The following SLC26A5 variants were observed in gnomAD, a reference collection of about 807,000 sequenced individuals.
SLC26A5 encodes the protein solute carrier family 26 member 5.
In SLC26A5, 51 loss-of-function variants were observed where a neutral mutation model predicts 81.0. That is an observed-to-expected ratio of 0.63 (90% CI 0.50 to 0.80). The LOEUF is 0.80. Ranked by LOEUF, SLC26A5 falls within the 30% of genes least tolerant of loss-of-function variation. SLC26A5 has a pLI of 0.00. For missense variants in SLC26A5, 771 were observed against 905.8 expected (o/e 0.85, Z 1.91); for synonymous variants, 325 against 332.8 (o/e 0.98, Z 0.25).
At chr7:103,435,313 C>T (rs1826372307) in intron 2 of SLC26A5, among the ~76,000 whole-genome samples, 1 of 152,060 alleles carries the variant, frequency 6.6e-6, no homozygotes, top group South Asian at 2.1e-4. Context: ...AATTGTTTAT[C>T]TTGATGTTTC....
At chr7:103,420,343 C>G (rs560048975) in intron 4 of SLC26A5, among the ~76,000 whole-genome samples, 6 of 147,038 alleles carry the variant, frequency 4.1e-5, no homozygotes, top group Non-Finnish European at 8.9e-5. Context: ...TCTCCCAGGC[C>G]GGAGTGAAGT....
chr7:103,370,952 A>G (rs1820997955), downstream of SLC26A5, among the ~76,000 whole-genome samples: 1 of 152,250 alleles, frequency 6.6e-6, no homozygotes, highest in Non-Finnish European at 1.5e-5. Flanking sequence ...ATAGGACAAT[A>G]TGAACCTGAA....
At chr7:103,381,720 C>T (rs1821810142) in intron 14 of SLC26A5, among the ~76,000 whole-genome samples, 1 of 151,526 alleles carries the variant, frequency 6.6e-6, no homozygotes, top group Non-Finnish European at 1.5e-5. Context: ...ACATGCCACA[C>T]ACAATACCAT....
intron 2 of SLC26A5, among the ~76,000 whole-genome samples, chr7:103,435,458 G>C (rs1246369532): frequency 6.6e-6 from 1 of 152,132 alleles, no homozygotes; most frequent in African/African-American, 2.4e-5. Context: ...TCCAGGATAG[G>C]ACTCTTCCCT....
In SLC26A5 at chr7:103,379,287, A is replaced by AT; in HGVS notation, c.1632_1633insA (p.Tyr545IlefsTer5). 4 of 1,611,718 alleles carry AT rather than the reference A, an allele frequency of 2.5e-6. No homozygotes were observed. The highest frequency in any genetic ancestry group is 3.4e-6 in the Non-Finnish European group (4 of 1,177,980). On this transcript the variant is annotated frameshift_variant, in exon 16 of 20. Coordinates refer to ENST00000306312, the MANE Select transcript of SLC26A5 (RefSeq NM_198999.3). LOFTEE classifies it high-confidence loss of function. ...CTATACAAGTCGCTATTTGCATAGTAAATTGGTGCATTTATTTGAAATATT... is the reference window on the plus strand; with the variant it reads ...CTATACAAGTCGCTATTTGCATAGTATAATTGGTGCATTTATTTGAAATATT...
chr7:103,365,527 G>A lies in SLC26A5; in HGVS notation c.2041+11281C>T, dbSNP rs181727705. On this transcript the variant is annotated intron_variant, in intron 19 of 19. Transcript: ENST00000339444. ...GTCTGTAATCCCAGCTCCTCGGGAG[G>A]CCGAGGCATGAGAATCGCTTGAACC... 3.9e-5 allele frequency among the ~76,000 whole-genome samples: 6 copies of A among 152,318 alleles called. No homozygotes were observed. In the East Asian group the frequency reaches 1.2e-3, roughly 29 times the overall value.
At chr7:103,421,894 C>G (rs550514381) in intron 2 of SLC26A5, among the ~76,000 whole-genome samples, 1 of 152,222 alleles carries the variant, frequency 6.6e-6, no homozygotes, top group African/African-American at 2.4e-5. Flanking sequence ...TTTTGACCAG[C>G]TATATGTCAA....
At chr7:103,420,712 G>A in intron 4 of SLC26A5, 26 bp downstream of exon 4, 2 of 1,613,534 alleles carry the variant, frequency 1.2e-6, no homozygotes, top group Non-Finnish European at 1.7e-6. Flanking sequence ...GACAGCAAGG[G>A]GGGAAAGAAA....
chr7:103,361,941 C>T (rs1428544807), intron 19 of SLC26A5: 2 of 1,592,990 alleles, frequency 1.3e-6, no homozygotes, highest in Non-Finnish European at 1.7e-6. Flanking sequence ...TCTAATCAAG[C>T]TTTTTGCTGT....
chr7:103,436,274 G>A (rs1826446543), intron 2 of SLC26A5, among the ~76,000 whole-genome samples: 2 of 152,096 alleles, frequency 1.3e-5, no homozygotes, highest in African/African-American at 4.8e-5. Context: ...CATTTGAGAC[G>A]AAAGCGCAAG....
At chr7:103,434,265 A>G (rs1826289539) in intron 2 of SLC26A5, among the ~76,000 whole-genome samples, 1 of 152,154 alleles carries the variant, frequency 6.6e-6, no homozygotes. Flanking sequence ...GTTCAAAATC[A>G]TTTTTCCTTA....
chr7:103,437,881 T>G (rs2116849798), intron 2 of SLC26A5, among the ~76,000 whole-genome samples: 1 of 152,322 alleles, frequency 6.6e-6, no homozygotes, highest in African/African-American at 2.4e-5. Context: ...GACTGTGTGT[T>G]TTGTTGGGTC....
At chr7:103,426,764 A>G (rs753401001) in intron 2 of SLC26A5, among the ~76,000 whole-genome samples, 14 of 152,352 alleles carry the variant, frequency 9.2e-5, no homozygotes, top group African/African-American at 3.4e-4. Flanking sequence ...TAACCATCTT[A>G]TCAGAGGCAG....
chr7:103,426,730 A>C (rs1825735244), intron 2 of SLC26A5, among the ~76,000 whole-genome samples: 1 of 152,232 alleles, frequency 6.6e-6, no homozygotes, highest in African/African-American at 2.4e-5. Flanking sequence ...ATGATTAAAT[A>C]ATTAAAGCCT....
At chr7:103,403,695 CTT>C (rs561652280) in intron 8 of SLC26A5, among the ~76,000 whole-genome samples, 71 of 128,426 alleles carry the variant, frequency 5.5e-4, no homozygotes, top group Admixed American at 1.0e-3. Flanking sequence ...CAATCCCCTG[CTT>C]TTTTTTTTTT....
At chr7:103,381,761 CCA>C (rs151130633) in intron 14 of SLC26A5, among the ~76,000 whole-genome samples, 6,750 of 150,084 alleles carry the variant, frequency 0.045, 267 homozygotes, top group African/African-American at 0.11. Context: ...ACCCCTCATA[CCA>C]CACACACACA....
At chr7:103,425,553 A>G (rs1206522301) in intron 2 of SLC26A5, among the ~76,000 whole-genome samples, 1 of 152,336 alleles carries the variant, frequency 6.6e-6, no homozygotes, top group East Asian at 1.9e-4. Flanking sequence ...GATGTTGAAG[A>G]AATTAATACT....
At chr7:103,413,261 A>G (rs567925444) in intron 4 of SLC26A5, 149 bp from the exon 5 acceptor site, 2 of 677,922 alleles carry the variant, frequency 3.0e-6, no homozygotes, top group African/African-American at 1.8e-5. Flanking sequence ...CCTGCACATC[A>G]TCTTACCTTG....
chr7:103,409,416 A>G (rs1824301569), intron 7 of SLC26A5, among the ~76,000 whole-genome samples: 1 of 152,168 alleles, frequency 6.6e-6, no homozygotes, highest in South Asian at 2.1e-4. Flanking sequence ...CTCTTTATTC[A>G]TGGGTCATTT....
Sources: gnomAD v4.1 joint callset for allele counts (sites outside exome capture counted in the v4.1 genomes callset) on GRCh38, gnomAD v4.1.1 for gene constraint, MANE v1.5 for transcripts, NCBI Gene and HGNC (gene_info 2026-07-23, HGNC 2026-07-21) for gene names.